RC3H1: variants seen among roughly 807,000 people sequenced by gnomAD.
RC3H1 encodes roquin-1.
RC3H1 carries 50 observed loss-of-function variants against 138.2 expected under a neutral mutation model. That is an observed-to-expected ratio of 0.36 (90% CI 0.29 to 0.46). The LOEUF (loss-of-function observed/expected upper bound fraction) is 0.46, where lower values mean the gene tolerates loss of function less well. RC3H1 is among the 20% of genes least tolerant of loss of function. The pLI, the probability that RC3H1 is intolerant of heterozygous loss-of-function variation, is 1.00. For missense variants in RC3H1, 1,031 were observed against 1,388.1 expected (o/e 0.74, Z 4.09); for synonymous variants, 462 against 489.1 (o/e 0.94, Z 0.73).
intron 18 of RC3H1, 168 bp from the exon 19 acceptor site, chr1:173,941,548 G>A: frequency 3.7e-6 from 2 of 533,954 alleles, no homozygotes; most frequent in Non-Finnish European, 6.7e-6. Flanking sequence ...AAACATAACA[G>A]AATACAATCC....
chr1:173,962,225 T>C (rs1659917578), intron 11 of RC3H1, 130 bp from the exon 12 acceptor site: 1 of 927,416 alleles, frequency 1.1e-6, no homozygotes, highest in Non-Finnish European at 1.6e-6. Flanking sequence ...GAGTTTTCCA[T>C]CTGCTTATAT....
Position 173,961,261 on chromosome 1 carries a change from T to C in RC3H1, c.2203-17A>G. 1 of 1,597,424 alleles carries C rather than the reference T, an allele frequency of 6.3e-7. No individual in the cohort carries two copies. Among genetic ancestry groups the C allele is most frequent in the South Asian group, 1.1e-5 (1 of 88,618 alleles). Reference sequence around the variant, plus strand: ...AGGAGGTTCCTAAAAATAGAAAGATTAGTTAAAATTGAAAGAGAATTTCAG... The same window carrying C: ...AGGAGGTTCCTAAAAATAGAAAGATCAGTTAAAATTGAAAGAGAATTTCAG... On this transcript the variant is annotated splice_polypyrimidine_tract_variant and intron_variant, in intron 12 of 19. Coordinates refer to ENST00000367696, the MANE Select transcript of RC3H1 (RefSeq NM_172071.4).
chr1:173,979,844 A>T (rs1233326702), intron 6 of RC3H1, among the ~76,000 whole-genome samples: 1 of 152,200 alleles, frequency 6.6e-6, no homozygotes, highest in Admixed American at 6.5e-5. Context: ...GGGAAGACTT[A>T]TAGAGCAGAG....
At chr1:173,998,098 G>A (rs1051439651) in intron 1 of RC3H1, among the ~76,000 whole-genome samples, 2 of 151,998 alleles carry the variant, frequency 1.3e-5, no homozygotes, top group African/African-American at 4.8e-5. Flanking sequence ...CCAACATCCA[G>A]ATTTTTTGAA....
At chr1:173,981,640 C>T (rs1237727317) in intron 5 of RC3H1, among the ~76,000 whole-genome samples, 1 of 152,170 alleles carries the variant, frequency 6.6e-6, no homozygotes, top group Admixed American at 6.5e-5. Context: ...CTAGGTGGGA[C>T]TGATGACTGT....
At chr1:173,991,885 AT>A (rs142449098) in intron 2 of RC3H1, among the ~76,000 whole-genome samples, 4 of 151,778 alleles carry the variant, frequency 2.6e-5, no homozygotes, top group East Asian at 1.9e-4. Flanking sequence ...GGAAAATTTT[AT>A]TTTTTTTATT....
intron 1 of RC3H1, among the ~76,000 whole-genome samples, chr1:174,005,761 G>A (rs527354703): frequency 6.6e-6 from 1 of 152,256 alleles, no homozygotes; most frequent in African/African-American, 2.4e-5. Flanking sequence ...TATCTAAAAT[G>A]TATCATAATC....
At position 173,964,066 on chromosome 1, in the gene RC3H1, C is replaced by A; in HGVS notation, c.1738G>T (p.Gly580Cys). ...VTKPLQMVPR[G>C]SQLYPAQQTD... ...TGTTGTGCTGGATATAACTGAGAAC[C>A]TCGAGGTACCATCTGAAGTGGTTTG... Residue 580 changes from glycine (G) to cysteine (C), a missense_variant, in exon 11 of 20, where the codon GGT becomes TGT. Physicochemically the swap from Gly to Cys is radical, Grantham distance 159 (BLOSUM62 -3). Around this residue, in one of 7 missense-constraint regions of RC3H1, gnomAD observed 716 missense variants for 837.9 expected, o/e 0.85. Coordinates refer to ENST00000367696, the MANE Select transcript of RC3H1 (RefSeq NM_172071.4). 1 of 1,614,146 alleles carries A rather than the reference C, an allele frequency of 6.2e-7. No individual in the cohort carries two copies. The highest frequency in any genetic ancestry group is 1.1e-5 in the South Asian group (1 of 91,080).
At chr1:174,006,216 A>G (rs1661650103) in intron 1 of RC3H1, among the ~76,000 whole-genome samples, 1 of 152,136 alleles carries the variant, frequency 6.6e-6, no homozygotes, top group African/African-American at 2.4e-5. Context: ...CAAAATAAAT[A>G]AATAAGTAAA....
chr1:173,961,000 G>A, intron 13 of RC3H1, 77 bp downstream of exon 13: 1 of 1,394,902 alleles, frequency 7.2e-7, no homozygotes. Context: ...TCACACCATT[G>A]GGAATAGGCA....
chr1:173,959,737 C>A (rs183382626), intron 13 of RC3H1, among the ~76,000 whole-genome samples: 1 of 151,996 alleles, frequency 6.6e-6, no homozygotes. Context: ...CACCACTGCA[C>A]TCCAGCCTGG....
rs368127805 is a variant in RC3H1 at position 173,982,707 on chromosome 1, G to T, written c.768+20C>A. 2.6e-6 allele frequency: 4 copies of T among 1,558,272 alleles called. No individual in the cohort carries two copies. The highest frequency in any genetic ancestry group is 2.4e-5 in the South Asian group (2 of 81,952). On this transcript the variant is annotated intron_variant, in intron 5 of 19. Coordinates refer to ENST00000367696, the MANE Select transcript of RC3H1 (RefSeq NM_172071.4). The stretch of plus-strand genomic sequence containing the variant: ...AGAACAATATTTCCTTTCAAGCTGA[G>T]CTTTAATGTAGGTTCATACCTTGAA...
chr1:173,934,654 T>A lies in RC3H1; in HGVS notation c.*4067A>T, dbSNP rs1367796037. ...CCTACCAGTAGGGCAAATACCACAT[T>A]TGTGCATCACTGAGTAATAACACCA... On this transcript the variant is annotated 3_prime_UTR_variant, in exon 20 of 20. Coordinates refer to ENST00000367696, the MANE Select transcript of RC3H1 (RefSeq NM_172071.4). 6.6e-6 allele frequency: 1 copy of A among 152,164 alleles called. No homozygotes were observed. The highest frequency in any genetic ancestry group is 2.4e-5 in the African/African-American group (1 of 41,440). The allele number at this position is 152,164 out of a possible 1,614,324, so 9.4% of individuals were successfully genotyped here. A position where few individuals can be genotyped will look rare whatever the true frequency, so the allele number is the denominator to read the frequency against.
chr1:174,003,214 C>T (rs1195067222), intron 1 of RC3H1, among the ~76,000 whole-genome samples: 3 of 152,064 alleles, frequency 2.0e-5, no homozygotes. Context: ...TGGTGAAACC[C>T]CGTCTCTACT....
intron 1 of RC3H1, among the ~76,000 whole-genome samples, chr1:173,995,099 G>C (rs1661432892): frequency 6.6e-6 from 1 of 152,150 alleles, no homozygotes; most frequent in African/African-American, 2.4e-5. Context: ...TGGAGCTGAT[G>C]TACAGGTAAG....
intron 6 of RC3H1, among the ~76,000 whole-genome samples, chr1:173,979,977 A>G (rs1322088895): frequency 6.6e-6 from 1 of 151,992 alleles, no homozygotes; most frequent in Non-Finnish European, 1.5e-5. Flanking sequence ...TCCTGAGCTC[A>G]AGGGATTCTC....
chr1:173,966,651 G>T (rs1660131316), intron 9 of RC3H1, among the ~76,000 whole-genome samples: 1 of 151,788 alleles, frequency 6.6e-6, no homozygotes, highest in Non-Finnish European at 1.5e-5. Context: ...GGAGGCGGAG[G>T]TTGCAGTGAG....
At chr1:173,958,149 G>A (rs1659723102) in intron 13 of RC3H1, among the ~76,000 whole-genome samples, 1 of 151,888 alleles carries the variant, frequency 6.6e-6, no homozygotes, top group Admixed American at 6.6e-5. Flanking sequence ...AGTATCAACT[G>A]TAATCCTGAG....
In RC3H1 at chr1:173,935,605, T is replaced by C. The variant is rs915528406; in HGVS notation, c.*3116A>G. The C allele has an allele frequency of 1.3e-5, 2 of 152,192 alleles. No individual in the cohort carries two copies. Among genetic ancestry groups the C allele is most frequent in the African/African-American group, 4.8e-5 (2 of 41,456 alleles). The allele number at this position is 152,192 out of a possible 1,614,324, so 9.4% of individuals were successfully genotyped here. On this transcript the variant is annotated 3_prime_UTR_variant, in exon 20 of 20. Transcript: ENST00000367696. The stretch of plus-strand genomic sequence containing the variant: ...AAATTAAAAAGCCAGAAGCAATTAA[T>C]ACCTTTTCAATTTTGATTTTAAAAA...
Sources: allele counts gnomAD v4.1 joint callset (sites outside exome capture counted in the v4.1 genomes callset), GRCh38; gene constraint gnomAD v4.1.1; regional missense constraint gnomAD v4.1.1; transcripts MANE v1.5; gene names NCBI Gene and HGNC (gene_info 2026-07-23, HGNC 2026-07-21).